Variants in GADL1 observed in about 807,000 individuals in gnomAD.
GADL1 encodes the protein acidic amino acid decarboxylase GADL1.
In GADL1, 71 loss-of-function variants were observed where a neutral mutation model predicts 69.5. The ratio of observed to expected loss-of-function variants is 1.02; its 90% CI spans 0.84 to 1.25. GADL1 has a LOEUF of 1.25. Ranked by LOEUF, GADL1 falls within the 50% of genes most tolerant of loss-of-function variation. The pLI is 0.00. For synonymous variants in GADL1, 254 were observed against 214.4 expected (o/e 1.18, Z -1.62); for missense variants, 737 against 631.8 (o/e 1.17, Z -1.79).
rs759027220 is a variant in GADL1 at position 30,786,457 on chromosome 3, A to G, written c.1251-51T>C. 9.4e-6 allele frequency: 9 copies of G among 961,254 alleles called. No homozygotes were observed. In the East Asian group the frequency reaches 9.8e-5, roughly 10 times the overall value. The allele number at this position is 961,254 out of a possible 1,614,324, so 59.5% of individuals were successfully genotyped here. On this transcript the variant is annotated intron_variant, in intron 12 of 14. Transcript: ENST00000282538. Reference sequence around the variant, plus strand: ...TTATAATCTGCAATGTAAAAGTGTCATGAACATGACTGATATGACAAAACT... The same window carrying G: ...TTATAATCTGCAATGTAAAAGTGTCGTGAACATGACTGATATGACAAAACT...
At chr3:30,794,269 A>G (rs775663603) in intron 12 of GADL1, among the ~76,000 whole-genome samples, 14 of 144,552 alleles carry the variant, frequency 9.7e-5, no homozygotes, top group Admixed American at 2.1e-4. Context: ...GAGACCAAAC[A>G]AAGTAGCAGA....
intron 14 of GADL1, among the ~76,000 whole-genome samples, chr3:30,743,818 T>C (rs1267868693): frequency 2.6e-5 from 4 of 152,154 alleles, no homozygotes; most frequent in Non-Finnish European, 5.9e-5. Flanking sequence ...GTAGGAGGAG[T>C]ACATATCTCT....
Position 30,871,042 on chromosome 3 carries a change from AGTGTGTGTGTGTGTGTGTGTGT to A in GADL1, c.38-9299_38-9278del, listed in dbSNP as rs4016178. 6.4e-5 allele frequency among the ~76,000 whole-genome samples: 9 copies of A among 141,478 alleles called. No homozygotes were observed. The East Asian group carries it at 6.6e-4, about 10-fold the overall frequency. The allele number at this position is 141,478 out of a possible 152,430, so 92.8% of individuals were successfully genotyped here. On this transcript the variant is annotated intron_variant, in intron 1 of 14. Coordinates refer to ENST00000282538, the MANE Select transcript of GADL1 (RefSeq NM_207359.3). ...AAAGCAACATGGACTAAGGCAGAAAAGTGTGTGTGTGTGTGTGTGTGTGTGTGTGTGTGTGTGTCCAAGAAAC... is the reference window on the plus strand; with the variant it reads ...AAAGCAACATGGACTAAGGCAGAAAAGTGTGTGTGTGTGTGTCCAAGAAAC...
intron 6 of GADL1, among the ~76,000 whole-genome samples, chr3:30,848,093 C>G (rs957998875): frequency 1.3e-5 from 2 of 152,184 alleles, no homozygotes; most frequent in African/African-American, 4.8e-5. Context: ...CATTTATTAT[C>G]CACTGGGGTC....
At chr3:30,800,544 T>A (rs1455415506) in intron 12 of GADL1, 1 of 218,968 alleles carries the variant, frequency 4.6e-6, no homozygotes, top group Non-Finnish European at 9.0e-6. Context: ...TCTGCCAGTG[T>A]GCCTCAAGAA....
intron 14 of GADL1, among the ~76,000 whole-genome samples, chr3:30,733,247 C>A (rs1695490809): frequency 6.6e-6 from 1 of 152,084 alleles, no homozygotes; most frequent in African/African-American, 2.4e-5. Context: ...ATAAAAGTTT[C>A]TAAATGGAAA....
At chr3:30,808,046 T>A (rs1697287301) in intron 11 of GADL1, among the ~76,000 whole-genome samples, 1 of 151,842 alleles carries the variant, frequency 6.6e-6, no homozygotes, top group Admixed American at 6.6e-5. Context: ...GAAATAAAAG[T>A]GTTTTTCCCA....
At chr3:30,779,641 C>G (rs1462395125) in intron 13 of GADL1, among the ~76,000 whole-genome samples, 1 of 152,134 alleles carries the variant, frequency 6.6e-6, no homozygotes, top group Non-Finnish European at 1.5e-5. Flanking sequence ...GTACTGAACT[C>G]CCAAATTCTT....
At chr3:30,858,286 T>G (rs866571197) in intron 2 of GADL1, among the ~76,000 whole-genome samples, 1 of 151,970 alleles carries the variant, frequency 6.6e-6, no homozygotes, top group Admixed American at 6.6e-5. Context: ...TGACATATTA[T>G]AGAGTTTGGA....
At chr3:30,768,285 C>T (rs1696331963) in intron 14 of GADL1, among the ~76,000 whole-genome samples, 1 of 152,022 alleles carries the variant, frequency 6.6e-6, no homozygotes, top group Non-Finnish European at 1.5e-5. Context: ...AATAGCAAAA[C>T]CCTGGAAACC....
chr3:30,807,584 G>GGT (rs1697276508), intron 11 of GADL1, among the ~76,000 whole-genome samples: 1 of 152,172 alleles, frequency 6.6e-6, no homozygotes, highest in African/African-American at 2.4e-5. Flanking sequence ...AATGACCCAG[G>GGT]GTAGGGATGC....
chr3:30,767,613 A>G (rs1696313808), intron 14 of GADL1, among the ~76,000 whole-genome samples: 1 of 152,176 alleles, frequency 6.6e-6, no homozygotes, highest in Non-Finnish European at 1.5e-5. Context: ...AAATACAAAA[A>G]ATTGAATGAC....
At chr3:30,843,126 AC>A (rs1186564533) in intron 8 of GADL1, among the ~76,000 whole-genome samples, 11 of 152,224 alleles carry the variant, frequency 7.2e-5, no homozygotes, top group African/African-American at 2.6e-4. Context: ...CTTTGTTGCT[AC>A]CTATTGGAAG....
chr3:30,850,397 G>A (rs946143881), intron 5 of GADL1, among the ~76,000 whole-genome samples: 2 of 151,894 alleles, frequency 1.3e-5, no homozygotes, highest in Admixed American at 6.6e-5. Context: ...TCTGGACTTA[G>A]GGCCTTTACC....
At chr3:30,798,987 T>C (rs1697107594) in intron 12 of GADL1, 1 of 152,262 alleles carries the variant, frequency 6.6e-6, no homozygotes, top group Non-Finnish European at 1.5e-5. Flanking sequence ...CCCATAGCCT[T>C]TGGCAGCTCC....
intron 4 of GADL1, among the ~76,000 whole-genome samples, chr3:30,854,481 A>G (rs1698197482): frequency 1.3e-5 from 2 of 152,134 alleles, no homozygotes; most frequent in South Asian, 4.1e-4. Flanking sequence ...GTTAAATCTC[A>G]TTAAATGAGA....
At chr3:30,877,387 A>T (rs1304300223) in intron 1 of GADL1, among the ~76,000 whole-genome samples, 1 of 151,896 alleles carries the variant, frequency 6.6e-6, no homozygotes, top group African/African-American at 2.4e-5. Flanking sequence ...ACTTTCTAAA[A>T]TTCTCTTTTT....
intron 14 of GADL1, among the ~76,000 whole-genome samples, chr3:30,771,662 ATCT>A (rs975440811): frequency 2.0e-5 from 3 of 152,344 alleles, no homozygotes; most frequent in South Asian, 4.1e-4. Context: ...AAAGAACCTC[ATCT>A]TTGAACATTT....
intron 14 of GADL1, among the ~76,000 whole-genome samples, chr3:30,754,896 T>G (rs956017666): frequency 7.1e-5 from 10 of 140,996 alleles, no homozygotes; most frequent in African/African-American, 2.5e-4. Context: ...TTGGGTAGGA[T>G]TTTTAAATTA....
Sources: allele counts gnomAD v4.1 joint callset (sites outside exome capture counted in the v4.1 genomes callset), GRCh38; gene constraint gnomAD v4.1.1; transcripts MANE v1.5; gene names NCBI Gene and HGNC (gene_info 2026-07-23, HGNC 2026-07-21).